Variants in RNF216 observed in about 807,000 individuals in gnomAD.
RNF216 encodes ring finger protein 216.
RNF216 carries 72 observed loss-of-function variants against 110.8 expected under a neutral mutation model. The observed-to-expected ratio is 0.65, with a 90% CI of 0.54 to 0.79. The LOEUF (loss-of-function observed/expected upper bound fraction) is 0.79, where lower values mean the gene tolerates loss of function less well. RNF216 is among the 30% of genes least tolerant of loss of function. The pLI is 0.00. For missense variants in RNF216, 1,342 were observed against 1,141.2 expected (o/e 1.18, Z -2.54); for synonymous variants, 495 against 407.5 (o/e 1.21, Z -2.59).
chr7:5,625,600 G>A (rs917075760), intron 15 of RNF216, among the ~76,000 whole-genome samples: 1 of 152,200 alleles, frequency 6.6e-6, no homozygotes, highest in African/African-American at 2.4e-5. Flanking sequence ...AGAAATGAGT[G>A]ATTTCCCCAC....
At chr7:5,720,960 T>C in intron 9 of RNF216, 73 bp downstream of exon 9, 2 of 1,432,064 alleles carry the variant, frequency 1.4e-6, no homozygotes, top group Non-Finnish European at 1.9e-6. Context: ...AAAGACAGTT[T>C]TGTACTAACT....
At chr7:5,744,478 G>A (rs562987764) in intron 3 of RNF216, among the ~76,000 whole-genome samples, 1 of 151,732 alleles carries the variant, frequency 6.6e-6, no homozygotes, top group South Asian at 2.1e-4. Flanking sequence ...AGGGAAGGAG[G>A]GGGACACATA....
intron 1 of RNF216, among the ~76,000 whole-genome samples, chr7:5,765,460 T>G (rs1796154234): frequency 6.6e-6 from 1 of 151,428 alleles, no homozygotes; most frequent in African/African-American, 2.4e-5. Context: ...TGAGACTCCA[T>G]CTCAAAAAAT....
intron 15 of RNF216, among the ~76,000 whole-genome samples, chr7:5,629,557 G>A (rs139529495): frequency 2.2e-3 from 330 of 152,180 alleles, no homozygotes; most frequent in Non-Finnish European, 1.9e-3. Context: ...GGCCAGAAGC[G>A]GCGTCTTGCG....
At chr7:5,729,945 G>C (rs1245018487) in intron 6 of RNF216, among the ~76,000 whole-genome samples, 3 of 152,126 alleles carry the variant, frequency 2.0e-5, no homozygotes, top group Non-Finnish European at 4.4e-5. Context: ...GGAAGATCAA[G>C]CAACAGATCT....
chr7:5,639,886 AG>A (rs202199208), intron 15 of RNF216, among the ~76,000 whole-genome samples: 3,262 of 151,728 alleles, frequency 0.021, 107 homozygotes, highest in African/African-American at 0.074. Flanking sequence ...CAACCTCCTG[AG>A]TAGCTGGGAC....
At chr7:5,703,570 C>T (rs1029339252) in intron 13 of RNF216, among the ~76,000 whole-genome samples, 3 of 152,058 alleles carry the variant, frequency 2.0e-5, no homozygotes, top group Non-Finnish European at 2.9e-5. Context: ...ACAGCAAATG[C>T]TACAAAGAAT....
intron 3 of RNF216, among the ~76,000 whole-genome samples, chr7:5,742,389 T>A (rs548881918): frequency 3.7e-4 from 56 of 151,672 alleles, no homozygotes; most frequent in South Asian, 8.3e-4. Context: ...CAAAAATAAC[T>A]CCACAGCAGA....
chr7:5,743,816 C>A (rs1794895707), intron 3 of RNF216, among the ~76,000 whole-genome samples: 1 of 152,176 alleles, frequency 6.6e-6, no homozygotes, highest in Non-Finnish European at 1.5e-5. Context: ...AAGTAAGGGC[C>A]AAGCTGGAAA....
intron 13 of RNF216, among the ~76,000 whole-genome samples, chr7:5,674,033 A>ATTTT (rs77889305): frequency 7.8e-6 from 1 of 127,730 alleles, no homozygotes. Flanking sequence ...ATAATTTTCA[A>ATTTT]TTTTTTTTTT....
At chr7:5,706,872 C>A (rs2345938) in intron 13 of RNF216, among the ~76,000 whole-genome samples, 1 of 152,146 alleles carries the variant, frequency 6.6e-6, no homozygotes, top group East Asian at 1.9e-4. Context: ...TTTCCACCTA[C>A]GTTTTCTTCT....
At chr7:5,731,914 C>T (rs1229789078) in intron 5 of RNF216, among the ~76,000 whole-genome samples, 1 of 145,020 alleles carries the variant, frequency 6.9e-6, no homozygotes, top group Non-Finnish European at 1.5e-5. Flanking sequence ...TGGAGAGGTT[C>T]ATTGATTCTG....
chr7:5,767,748 G>T (rs1796279950), intron 1 of RNF216, among the ~76,000 whole-genome samples: 1 of 151,964 alleles, frequency 6.6e-6, no homozygotes, highest in Admixed American at 6.6e-5. Flanking sequence ...ACAGGCACAC[G>T]CCACCATGCC....
chr7:5,760,361 A>G (rs1335538681), intron 2 of RNF216: 2 of 282,956 alleles, frequency 7.1e-6, no homozygotes, highest in Non-Finnish European at 1.4e-5. Flanking sequence ...TACTAAAAAT[A>G]CAAAATTAGC....
At chr7:5,758,587 A>T (rs898955375) in intron 2 of RNF216, among the ~76,000 whole-genome samples, 2 of 152,120 alleles carry the variant, frequency 1.3e-5, no homozygotes, top group African/African-American at 4.8e-5. Context: ...TGAATGTGAG[A>T]TGTGGAGTCA....
intron 1 of RNF216, among the ~76,000 whole-genome samples, chr7:5,777,130 G>A (rs1047522715): frequency 2.6e-5 from 4 of 151,988 alleles, no homozygotes; most frequent in African/African-American, 9.7e-5. Flanking sequence ...GTGGAGCCCG[G>A]CCTTCCAGCA....
At chr7:5,765,623 G>A (rs1440740904) in intron 1 of RNF216, among the ~76,000 whole-genome samples, 1 of 150,570 alleles carries the variant, frequency 6.6e-6, no homozygotes, top group African/African-American at 2.4e-5. Context: ...GCGAGACCCT[G>A]CCTCTGAAAC....
At chr7:5,644,184 T>C (rs1227636496) in intron 14 of RNF216, among the ~76,000 whole-genome samples, 1 of 152,204 alleles carries the variant, frequency 6.6e-6, no homozygotes, top group South Asian at 2.1e-4. Flanking sequence ...TTTTCACTTA[T>C]GTTGGGTGAG....
At chr7:5,780,418 A>G (rs1197308131) in intron 1 of RNF216, 1 of 152,146 alleles carries the variant, frequency 6.6e-6, no homozygotes, top group African/African-American at 2.4e-5. Flanking sequence ...CCCGGAGAAC[A>G]TATCTGAAAC....
Sources: gnomAD v4.1 joint callset for allele counts (sites outside exome capture counted in the v4.1 genomes callset) on GRCh38, gnomAD v4.1.1 for gene constraint, MANE v1.5 for transcripts, NCBI Gene and HGNC (gene_info 2026-07-23, HGNC 2026-07-21) for gene names.